The following ANKFN1 variants were observed in gnomAD, a reference collection of about 807,000 sequenced individuals.
ANKFN1 encodes ankyrin repeat and fibronectin type III domain containing 1.
ANKFN1 carries 74 observed loss-of-function variants against 108.7 expected under a neutral mutation model. That is an observed-to-expected ratio of 0.68 (90% confidence interval 0.56 to 0.83). The LOEUF is 0.83. Ranked by LOEUF, ANKFN1 falls within the 40% of genes least tolerant of loss-of-function variation. ANKFN1 has a pLI of 0.00. For synonymous variants in ANKFN1, 547 were observed against 516.2 expected, an observed-to-expected ratio of 1.06 and a Z score of -0.81; for missense variants, 1,505 against 1,382.3, an observed-to-expected ratio of 1.09 and a Z score of -1.41.
intron 4 of ANKFN1, among the ~76,000 whole-genome samples, chr17:56,335,278 G>T (rs1050647985): frequency 3.3e-5 from 5 of 152,062 alleles, no homozygotes; most frequent in African/African-American, 9.7e-5. Context: ...AGCTTGGTGG[G>T]GATGGCATTG....
chr17:56,311,525 T>C (rs2045025875), intron 3 of ANKFN1, among the ~76,000 whole-genome samples: 1 of 152,264 alleles, frequency 6.6e-6, no homozygotes, highest in Non-Finnish European at 1.5e-5. Context: ...TTTTTTTTAC[T>C]GTTAAGTACT....
In ANKFN1 at chr17:56,317,320, T is replaced by C. The variant is rs575938890; in HGVS notation, c.54-8901T>C. 2.0e-5 allele frequency among the ~76,000 whole-genome samples: 3 copies of C among 152,318 alleles called. No individual in the cohort carries two copies. In the East Asian group the frequency reaches 5.8e-4, roughly 29 times the overall value. ...CAGAAACATTGCAAATCAACCTTTTTAGATGCTTTAGCAAAAGGGAAAACT... is the reference window on the plus strand; with the variant it reads ...CAGAAACATTGCAAATCAACCTTTTCAGATGCTTTAGCAAAAGGGAAAACT... On this transcript the variant is annotated intron_variant, in intron 3 of 20. Coordinates refer to ENST00000682825, the MANE Select transcript of ANKFN1 (RefSeq NM_001370326.1).
intron 3 of ANKFN1, chr17:56,245,904 G>C (rs1017328073): frequency 2.0e-5 from 3 of 152,062 alleles, no homozygotes; most frequent in South Asian, 4.1e-4. Flanking sequence ...TATTAAAAAA[G>C]AAGACAAAGA....
At chr17:56,235,803 G>A (rs1038327040) in intron 3 of ANKFN1, among the ~76,000 whole-genome samples, 2 of 152,048 alleles carry the variant, frequency 1.3e-5, no homozygotes, top group African/African-American at 4.8e-5. Context: ...CTCCAGCTTT[G>A]TTCTTTCTGC....
intron 8 of ANKFN1, among the ~76,000 whole-genome samples, chr17:56,426,720 A>C (rs1252077810): frequency 1.3e-5 from 2 of 152,236 alleles, no homozygotes; most frequent in Non-Finnish European, 2.9e-5. Context: ...GTTCTGAAAA[A>C]AATAATACAT....
At chr17:56,457,543 G>A (rs982454988) in intron 13 of ANKFN1, among the ~76,000 whole-genome samples, 154 bp downstream of exon 13, 1 of 152,142 alleles carries the variant, frequency 6.6e-6, no homozygotes, top group African/African-American at 2.4e-5. Flanking sequence ...TATGCCCTAT[G>A]TCATTTTAAA....
intron 8 of ANKFN1, among the ~76,000 whole-genome samples, chr17:56,396,679 G>A (rs569452540): frequency 9.2e-5 from 14 of 152,192 alleles, no homozygotes; most frequent in African/African-American, 2.9e-4. Context: ...GGACTTTATA[G>A]GCATTGCTTC....
intron 4 of ANKFN1, among the ~76,000 whole-genome samples, chr17:56,349,232 T>C (rs567442311): frequency 6.6e-6 from 1 of 151,970 alleles, no homozygotes; most frequent in South Asian, 2.1e-4. Flanking sequence ...TGTCAGTGAG[T>C]GCGGGCTGGG....
chr17:56,214,919 A>G lies in ANKFN1; in HGVS notation c.12+2240A>G, dbSNP rs140567690. ...AGGATGTATAGCAATGTGTACTGAT[A>G]TGTATAACCCAATTGCCCCAAGGCC... On this transcript the variant is annotated intron_variant, in intron 2 of 20. Coordinates refer to ENST00000682825, the MANE Select transcript of ANKFN1 (RefSeq NM_001370326.1). Among the ~76,000 whole-genome samples, 4 of 152,374 alleles carry G rather than the reference A, an allele frequency of 2.6e-5. No homozygotes were observed. In the East Asian group the frequency reaches 7.7e-4, roughly 29 times the overall value.
At chr17:56,126,332 C>G (rs913159056) in intron 4 of ANKFN1, among the ~76,000 whole-genome samples, 2 of 152,098 alleles carry the variant, frequency 1.3e-5, no homozygotes, top group African/African-American at 4.8e-5. Flanking sequence ...ACTGGCTCCC[C>G]CTGCCAGACG....
intron 4 of ANKFN1, among the ~76,000 whole-genome samples, chr17:56,111,507 C>T (rs957004269): frequency 1.4e-5 from 2 of 143,534 alleles, no homozygotes; most frequent in African/African-American, 5.2e-5. Flanking sequence ...TAAGACAAAA[C>T]TTCTCATAAA....
chr17:56,103,998 A>G (rs1277395110), intron 4 of ANKFN1, among the ~76,000 whole-genome samples: 1 of 152,188 alleles, frequency 6.6e-6, no homozygotes. Flanking sequence ...CAGTAATTAT[A>G]AATATTCTCT....
At chr17:56,154,346 T>C (rs1009958767) in intron 1 of ANKFN1, among the ~76,000 whole-genome samples, 1 of 152,106 alleles carries the variant, frequency 6.6e-6, no homozygotes, top group Non-Finnish European at 1.5e-5. Context: ...GAGTTCAGAG[T>C]AGGTGAGGAC....
intron 1 of ANKFN1, among the ~76,000 whole-genome samples, chr17:56,167,273 A>ATATG (rs1910216180): frequency 3.3e-5 from 1 of 30,052 alleles, no homozygotes; most frequent in East Asian, 1.7e-3. Flanking sequence ...ATATATATAT[A>ATATG]CATATATATA....
At chr17:56,188,371 C>T (rs1912452042) in intron 1 of ANKFN1, among the ~76,000 whole-genome samples, 1 of 151,222 alleles carries the variant, frequency 6.6e-6, no homozygotes, top group Non-Finnish European at 1.5e-5. Context: ...AAATCTTCTT[C>T]CTTCTAGGGG....
intron 3 of ANKFN1, among the ~76,000 whole-genome samples, chr17:56,279,673 A>T (rs1226907805): frequency 2.0e-5 from 3 of 152,222 alleles, no homozygotes; most frequent in Non-Finnish European, 2.9e-5. Context: ...GAGCTAGATG[A>T]CATTGTCTGC....
intron 4 of ANKFN1, among the ~76,000 whole-genome samples, chr17:56,329,169 G>A (rs2144553806): frequency 6.6e-6 from 1 of 152,194 alleles, no homozygotes; most frequent in African/African-American, 2.4e-5. Context: ...TCTTATCATG[G>A]CATGCAAGTT....
At chr17:56,454,944 G>A (rs1248148612) in intron 11 of ANKFN1, among the ~76,000 whole-genome samples, 1 of 152,150 alleles carries the variant, frequency 6.6e-6, no homozygotes, top group Non-Finnish European at 1.5e-5. Flanking sequence ...CTAGAGTAGG[G>A]AAGAGGTATC....
At chr17:56,454,225 C>T (rs1025419761) in intron 11 of ANKFN1, among the ~76,000 whole-genome samples, 1 of 152,042 alleles carries the variant, frequency 6.6e-6, no homozygotes, top group African/African-American at 2.4e-5. Context: ...ATTTCATCAG[C>T]TTTAATTGCT....
Sources: allele counts gnomAD v4.1 joint callset (sites outside exome capture counted in the v4.1 genomes callset), GRCh38; gene constraint gnomAD v4.1.1; transcripts MANE v1.5; gene names NCBI Gene and HGNC (gene_info 2026-07-23, HGNC 2026-07-21).